The following ELN variants were observed in gnomAD, a reference collection of about 807,000 sequenced individuals.
The protein encoded by ELN is tropoelastin.
In ELN, 65 loss-of-function variants were observed where a neutral mutation model predicts 105.8. That is an observed-to-expected ratio of 0.61 (90% confidence interval 0.50 to 0.75). ELN has a LOEUF of 0.75. ELN is among the 30% of genes least tolerant of loss of function. The pLI is 0.00. For synonymous variants in ELN, 368 were observed against 389.2 expected (o/e 0.95, Z 0.64); for missense variants, 882 against 969.4 (o/e 0.91, Z 1.20).
Position 74,035,432 on chromosome 7 carries a change from T to C in ELN, c.133+18T>C, listed in dbSNP as rs782513031. ...TTATCCAGGTAACGTACATGAAACT[T>C]CCACACACCCAGGTCATGCGGATGA... On this transcript the variant is annotated intron_variant, in intron 2 of 32. Transcript: ENST00000252034. The C allele has an allele frequency of 6.8e-6, 11 of 1,613,956 alleles. No homozygotes were observed. The South Asian group carries it at 9.9e-5, about 15-fold the overall frequency.
chr7:74,060,036 G>C lies in ELN; in HGVS notation c.1565G>C (p.Gly522Ala). 6.2e-7 allele frequency: 1 copy of C among 1,614,088 alleles called. No homozygotes were observed. The highest frequency in any genetic ancestry group is 8.5e-7 in the Non-Finnish European group (1 of 1,179,996). ...GGCGTGGCTCCCGGCATTGGCCCTG[G>C]TGGAGTTGCAGGTGAGTTTCATGAG... ...GVGVAPGIGP[G>A]GVAAAAKSAA... Residue 522 changes from glycine (G) to alanine (A), a missense_variant, in exon 23 of 33, where the codon GGT becomes GCT. Physicochemically the swap from Gly to Ala is moderately conservative, Grantham distance 60. Transcript: ENST00000252034.
chr7:74,059,080 CCA>C (rs1554682259), intron 22 of ELN, among the ~76,000 whole-genome samples: 1 of 151,356 alleles, frequency 6.6e-6, no homozygotes. Flanking sequence ...GCCACCATGC[CCA>C]GTTTAAAAAA....
intron 9 of ELN, 79 bp from the exon 10 acceptor site, chr7:74,045,143 G>A: frequency 1.3e-6 from 2 of 1,554,232 alleles, no homozygotes; most frequent in Non-Finnish European, 1.8e-6. Flanking sequence ...GGTCAGCTGG[G>A]GGACCCGAGG....
chr7:74,055,808 A>G (rs1795103893), intron 19 of ELN, among the ~76,000 whole-genome samples: 1 of 144,194 alleles, frequency 6.9e-6, no homozygotes, highest in Admixed American at 7.1e-5. Context: ...TTTTTTTGAG[A>G]CGGAGTCTTG....
chr7:74,053,835 G>A (rs1164874332), intron 18 of ELN, among the ~76,000 whole-genome samples: 1 of 151,636 alleles, frequency 6.6e-6, no homozygotes, highest in Non-Finnish European at 1.5e-5. Context: ...TGTGTGGGTG[G>A]ATGGGTGTGG....
Position 74,068,831 on chromosome 7 carries a change from C to A in ELN, c.*131C>A. 2.5e-6 allele frequency: 3 copies of A among 1,182,762 alleles called. No homozygotes were observed. Among genetic ancestry groups the A allele is most frequent in the Non-Finnish European group, 2.5e-6 (2 of 803,668 alleles). The allele number at this position is 1,182,762 out of a possible 1,614,324, so 73.3% of individuals were successfully genotyped here. Reference sequence around the variant, plus strand: ...CCCAGGAGGGAACGGGCAGGCCGGGCGGCCTTGCAGATCCACAGGGCAAGG... The same window carrying A: ...CCCAGGAGGGAACGGGCAGGCCGGGAGGCCTTGCAGATCCACAGGGCAAGG... On this transcript the variant is annotated 3_prime_UTR_variant, in exon 33 of 33. Coordinates refer to ENST00000252034, the MANE Select transcript of ELN (RefSeq NM_000501.4).
At chr7:74,037,763 T>C (rs147723448) in intron 4 of ELN, 24 bp downstream of exon 4, 2 of 1,609,674 alleles carry the variant, frequency 1.2e-6, no homozygotes, top group African/African-American at 1.3e-5. Context: ...CCTCGGAGCA[T>C]TGAGAGACAG....
intron 32 of ELN, 52 bp downstream of exon 32, chr7:74,066,828 C>A: frequency 6.3e-7 from 1 of 1,580,522 alleles, no homozygotes; most frequent in Non-Finnish European, 8.7e-7. Flanking sequence ...CAGCCACCTC[C>A]TCCCTCCTCT....
chr7:74,042,900 T>A, intron 6 of ELN, 84 bp from the exon 7 acceptor site: 1 of 1,607,122 alleles, frequency 6.2e-7, no homozygotes, highest in South Asian at 1.1e-5. Context: ...CAGACCTCAA[T>A]GCTGGGCCCT....
chr7:74,046,392 C>T (rs543703877), intron 11 of ELN, among the ~76,000 whole-genome samples, 175 bp downstream of exon 11: 1 of 152,374 alleles, frequency 6.6e-6, no homozygotes, highest in African/African-American at 2.4e-5. Context: ...CCTGCTCCCC[C>T]CACTGGCATA....
At chr7:74,066,862 G>A (rs1371927626) in intron 32 of ELN, 86 bp downstream of exon 32, 7 of 1,471,714 alleles carry the variant, frequency 4.8e-6, no homozygotes, top group Non-Finnish European at 6.6e-6. Flanking sequence ...CTGCTCAGAA[G>A]GGCTGAGCCA....
At chr7:74,058,879 C>T (rs1563848517) in intron 22 of ELN, among the ~76,000 whole-genome samples, 1 of 152,130 alleles carries the variant, frequency 6.6e-6, no homozygotes, top group Non-Finnish European at 1.5e-5. Context: ...GAGAGCATTT[C>T]GACTGCAGGT....
rs543541158 is a variant in ELN at position 74,040,816 on chromosome 7, A to T, written c.197-400A>T. On this transcript the variant is annotated intron_variant, in intron 4 of 32. Transcript: ENST00000252034. Reference sequence around the variant, plus strand: ...TGGGGACACAGGAGTTCCCCGATGCAGGTGAAGGGGAGGGGACTGAGTCAA... The same window carrying T: ...TGGGGACACAGGAGTTCCCCGATGCTGGTGAAGGGGAGGGGACTGAGTCAA... Among the ~76,000 whole-genome samples the T allele has an allele frequency of 1.4e-4, 22 of 152,258 alleles. 1 individual carries two copies. Among genetic ancestry groups the T allele is most frequent in the South Asian group, 1.2e-3 (6 of 4,830 alleles).
intron 5 of ELN, among the ~76,000 whole-genome samples, chr7:74,042,171 G>C (rs1029654320): frequency 5.3e-5 from 8 of 151,526 alleles, no homozygotes; most frequent in Non-Finnish European, 1.0e-4. Flanking sequence ...TGTAATCCTA[G>C]CACTTTGGGA....
intron 26 of ELN, among the ~76,000 whole-genome samples, chr7:74,061,638 C>T (rs955277692): frequency 2.0e-5 from 3 of 152,014 alleles, no homozygotes; most frequent in Non-Finnish European, 4.4e-5. Context: ...GACGACAGAG[C>T]GAGACTGTAT....
chr7:74,046,271 C>T (rs1396607268), intron 11 of ELN, 54 bp downstream of exon 11: 11 of 1,612,902 alleles, frequency 6.8e-6, no homozygotes, highest in East Asian at 2.2e-5. Flanking sequence ...GAGGCTCTGG[C>T]GTTGGGAGGG....
At chr7:74,043,194 A>AGGACAGAGGGCAGGGAG in intron 8 of ELN, 26 bp downstream of exon 8, 2 of 1,570,908 alleles carry the variant, frequency 1.3e-6, no homozygotes, top group Non-Finnish European at 1.7e-6. Flanking sequence ...CTGGGGCTGG[A>AGGACAGAGGGCAGGGAG]GGACAGAGGG....
chr7:74,069,531 C>T lies in ELN; in HGVS notation c.*831C>T, dbSNP rs2132855968. On this transcript the variant is annotated 3_prime_UTR_variant, in exon 33 of 33. Transcript: ENST00000252034. ...GACTGGGGTGCCAGGCATCTCCTCC[C>T]CACCCGGGGTGTCCCCACATGCAGT... The T allele has an allele frequency of 4.3e-6, 1 of 234,336 alleles. No individual in the cohort carries two copies. Among genetic ancestry groups the T allele is most frequent in the Middle Eastern group, 1.3e-3 (1 of 786 alleles). 14.5% of individuals were successfully genotyped at this position (234,336 alleles called of 1,614,324 possible).
intron 1 of ELN, 141 bp from the exon 2 acceptor site, chr7:74,035,223 C>T: frequency 2.5e-6 from 2 of 806,850 alleles, no homozygotes; most frequent in South Asian, 3.0e-5. Context: ...CAAGCAATGT[C>T]ATTATTGCCA....
Sources: allele counts gnomAD v4.1 joint callset (sites outside exome capture counted in the v4.1 genomes callset), GRCh38; gene constraint gnomAD v4.1.1; transcripts MANE v1.5; gene names NCBI Gene and HGNC (gene_info 2026-07-23, HGNC 2026-07-21).